Variants in DDI2 observed in about 807,000 individuals in gnomAD.
DDI2 encodes DDI proteasomal shuttling factor 2, also known as protein DDI1 homolog 2.
In DDI2, 5 loss-of-function variants were observed where a neutral mutation model predicts 48.1. The observed-to-expected ratio is 0.10, with a 90% CI of 0.05 to 0.22. The LOEUF is 0.22. Ranked by LOEUF, DDI2 falls within the 10% of genes least tolerant of loss-of-function variation. The pLI, the probability that DDI2 is intolerant of heterozygous loss-of-function variation, is 1.00. For synonymous variants in DDI2, 205 were observed against 183.6 expected (o/e 1.12, Z -0.94); for missense variants, 285 against 506.2 (o/e 0.56, Z 4.19).
Position 15,652,455 on chromosome 1 carries a change from G to C in DDI2, c.1183+560G>C, listed in dbSNP as rs868091326. On this transcript the variant is annotated intron_variant, in intron 8 of 9. Coordinates refer to ENST00000480945, the MANE Select transcript of DDI2 (RefSeq NM_032341.5). Reference sequence around the variant, plus strand: ...GCACTTTGGGAGGCTCCGGAGGGGGGGGGGGGGGGGCGGATCACCTGAGGT... The same window carrying C: ...GCACTTTGGGAGGCTCCGGAGGGGGCGGGGGGGGGGCGGATCACCTGAGGT... 1.9e-3 allele frequency among the ~76,000 whole-genome samples: 207 copies of C among 107,120 alleles called. 47 individuals are homozygous for C. The East Asian group carries it at 0.043, about 22-fold the overall frequency. The allele number at this position is 107,120 out of a possible 152,430, so 70.3% of individuals were successfully genotyped here. A position where few individuals can be genotyped will look rare whatever the true frequency, so the allele number is the denominator to read the frequency against.
At chr1:15,644,463 C>T (rs775689813) in intron 6 of DDI2, among the ~76,000 whole-genome samples, 3 of 152,020 alleles carry the variant, frequency 2.0e-5, no homozygotes, top group Non-Finnish European at 2.9e-5. Flanking sequence ...AATCATTTTC[C>T]TTCACAATTT....
At position 15,630,500 on chromosome 1, in the gene DDI2, G is replaced by A. The variant is rs1406506489; in HGVS notation, c.444G>A (p.Glu148=). The change falls in exon 3 of 10, where the codon GAG becomes GAA. Residue 148 remains glutamate (E), a synonymous_variant. Coordinates refer to ENST00000480945, the MANE Select transcript of DDI2 (RefSeq NM_032341.5). ...ATATGTTGCTGGCCAACCCGCATGAGCTGTCCTTGCTGAAGGAACGCAATC... is the reference window on the plus strand; with the variant it reads ...ATATGTTGCTGGCCAACCCGCATGAACTGTCCTTGCTGAAGGAACGCAATC... ...LRDMLLANPH[E]LSLLKERNPP... The A allele has an allele frequency of 6.2e-7, 1 of 1,614,180 alleles. No individual in the cohort carries two copies. The highest frequency in any genetic ancestry group is 1.1e-5 in the South Asian group (1 of 91,084).
chr1:15,661,472 G>A lies in DDI2; in HGVS notation c.*1682G>A, dbSNP rs767434576. On this transcript the variant is annotated 3_prime_UTR_variant, in exon 10 of 10. Coordinates refer to ENST00000480945, the MANE Select transcript of DDI2 (RefSeq NM_032341.5). ...GGCATACAGAATTCAGTAACAGACA[G>A]GCCTGAAACCAGAGAAAATGTCTGT... is the stretch of plus-strand genomic sequence containing the variant. 1.3e-5 allele frequency: 21 copies of A among 1,613,782 alleles called. No homozygotes were observed. The highest frequency in any genetic ancestry group is 1.7e-5 in the Admixed American group (1 of 59,984).
chr1:15,618,491 C>T (rs915941496), intron 1 of DDI2, among the ~76,000 whole-genome samples: 5 of 152,100 alleles, frequency 3.3e-5, no homozygotes, highest in Non-Finnish European at 5.9e-5. Flanking sequence ...TGGTAGTAAG[C>T]CAGAAGGCCC....
chr1:15,633,387 T>A, intron 3 of DDI2, 52 bp from the exon 4 acceptor site: 4 of 1,595,808 alleles, frequency 2.5e-6, no homozygotes, highest in South Asian at 2.2e-5. Flanking sequence ...AAAGTACTGA[T>A]AAACGTTGAA....
At chr1:15,643,274 T>C (rs1640038258) in intron 5 of DDI2, among the ~76,000 whole-genome samples, 1 of 152,222 alleles carries the variant, frequency 6.6e-6, no homozygotes, top group Non-Finnish European at 1.5e-5. Context: ...TAAAATGTCA[T>C]TTAATTATTG....
In DDI2 at chr1:15,669,020, A is replaced by G. The variant is rs1321949873; in HGVS notation, c.*9230A>G. On this transcript the variant is annotated 3_prime_UTR_variant, in exon 10 of 10. Transcript: ENST00000480945. ...TGGTGTGTAAAACATTTGATATTTA[A>G]GACAATAAAGTTTTTATCATAAGAC... is the stretch of plus-strand genomic sequence containing the variant. 6.6e-6 allele frequency: 1 copy of G among 152,214 alleles called. No individual in the cohort carries two copies. Among genetic ancestry groups the G allele is most frequent in the Non-Finnish European group, 1.5e-5 (1 of 68,040 alleles). The allele number at this position is 152,214 out of a possible 1,614,324, so 9.4% of individuals were successfully genotyped here. A position where few individuals can be genotyped will look rare whatever the true frequency, so the allele number is the denominator to read the frequency against.
chr1:15,621,516 C>G (rs1376842421), intron 1 of DDI2, among the ~76,000 whole-genome samples: 2 of 151,996 alleles, frequency 1.3e-5, no homozygotes, highest in African/African-American at 2.4e-5. Flanking sequence ...TCCTAAGTAG[C>G]TGGGACTACA....
chr1:15,650,115 T>TA (rs1169166460), intron 7 of DDI2, among the ~76,000 whole-genome samples: 3 of 152,174 alleles, frequency 2.0e-5, no homozygotes, highest in Non-Finnish European at 4.4e-5. Flanking sequence ...TAGATCCTGA[T>TA]TAGTAGTTTT....
intron 4 of DDI2, among the ~76,000 whole-genome samples, chr1:15,634,671 ACAGGCATCTGTCAC>A (rs1164553509): frequency 6.6e-6 from 1 of 151,146 alleles, no homozygotes; most frequent in Non-Finnish European, 1.5e-5. Context: ...AGCTGGGAAT[ACAGGCATCTGTCAC>A]CACGCCCAGC....
At chr1:15,651,334 G>A (rs1329749941) in intron 7 of DDI2, among the ~76,000 whole-genome samples, 2 of 152,166 alleles carry the variant, frequency 1.3e-5, no homozygotes, top group Non-Finnish European at 2.9e-5. Flanking sequence ...AAGGAAGTTA[G>A]CATTAGCATG....
In DDI2 at chr1:15,656,586, A is replaced by AGTTTGCTT. The variant is rs1234612805; in HGVS notation, c.1184-28_1184-21dup. On this transcript the variant is annotated intron_variant, in intron 8 of 9. Transcript: ENST00000480945. ...CTGTGTGGTTTGCATTGTTAACCCA[A>AGTTTGCTT]GTTTGCTTGTCTGTTTCCTAATTCA... is the stretch of plus-strand genomic sequence containing the variant. 4 of 1,613,996 alleles carry AGTTTGCTT rather than the reference A, an allele frequency of 2.5e-6. No homozygotes were observed. In the Admixed American group the frequency reaches 5.0e-5, roughly 20 times the overall value.
chr1:15,623,832 G>A (rs1050490239), intron 1 of DDI2, among the ~76,000 whole-genome samples: 7 of 152,124 alleles, frequency 4.6e-5, no homozygotes, highest in Non-Finnish European at 1.0e-4. Flanking sequence ...AGGCCAAGGC[G>A]GGCAGATCAC....
intron 1 of DDI2, among the ~76,000 whole-genome samples, chr1:15,624,458 C>T (rs557008871): frequency 2.6e-4 from 40 of 151,910 alleles, no homozygotes; most frequent in Non-Finnish European, 5.0e-4. Context: ...AAATGTGGTT[C>T]TTTTTTTGTT....
chr1:15,656,455 C>A, intron 8 of DDI2, 162 bp from the exon 9 acceptor site: 1 of 1,506,318 alleles, frequency 6.6e-7, no homozygotes, highest in East Asian at 2.4e-5. Flanking sequence ...TGGAAGCAAC[C>A]AACAAATATT....
chr1:15,629,806 A>G (rs547803432), intron 2 of DDI2, among the ~76,000 whole-genome samples: 79 of 146,780 alleles, frequency 5.4e-4, no homozygotes, highest in African/African-American at 1.9e-3. Flanking sequence ...ATCTCGGCTC[A>G]CTGCAACCTC....
chr1:15,641,151 A>C (rs1640001422), intron 5 of DDI2, among the ~76,000 whole-genome samples: 1 of 152,196 alleles, frequency 6.6e-6, no homozygotes, highest in South Asian at 2.1e-4. Context: ...AGGACTTTTA[A>C]GCAGATGAAG....
rs772990709 is a variant in DDI2, at chr1:15,652,058, CTTTTTTTTTTTTT to C, written c.1183+175_1183+187del. Among the ~76,000 whole-genome samples, 20 of 75,980 alleles carry C rather than the reference CTTTTTTTTTTTTT, an allele frequency of 2.6e-4. No individual in the cohort carries two copies. The East Asian group carries it at 5.7e-3, about 22-fold the overall frequency. 49.8% of individuals were successfully genotyped at this position (75,980 alleles called of 152,430 possible). A position where few individuals can be genotyped will look rare whatever the true frequency, so the allele number is the denominator to read the frequency against. ...TTCTTAACCTCCTTCTTTGATCTTC[CTTTTTTTTTTTTT>C]TTTTTTTTTTTGGAGACATTGTCTC... On this transcript the variant is annotated intron_variant, in intron 8 of 9. Coordinates refer to ENST00000480945, the MANE Select transcript of DDI2 (RefSeq NM_032341.5).
intron 9 of DDI2, 170 bp downstream of exon 9, chr1:15,656,849 T>C (rs978032334): frequency 3.6e-6 from 3 of 842,762 alleles, no homozygotes; most frequent in African/African-American, 3.5e-5. Context: ...TACATGGATA[T>C]GTAACATAAA....
Sources: gnomAD v4.1 joint callset for allele counts (sites outside exome capture counted in the v4.1 genomes callset) on GRCh38, gnomAD v4.1.1 for gene constraint, MANE v1.5 for transcripts, NCBI Gene and HGNC (gene_info 2026-07-23, HGNC 2026-07-21) for gene names.